Variants in PLXNA4 observed in about 807,000 individuals in gnomAD.
PLXNA4 encodes plexin-A4.
A neutral mutation model predicts 191.8 loss-of-function variants in PLXNA4; 44 were observed. That is an observed-to-expected ratio of 0.23 (90% confidence interval 0.18 to 0.29). PLXNA4 has a LOEUF of 0.29. Ranked by LOEUF, PLXNA4 falls within the 10% of genes least tolerant of loss-of-function variation. PLXNA4 has a pLI of 1.00. For synonymous variants in PLXNA4, 1,082 were observed against 1,009.5 expected (o/e 1.07, Z -1.36); for missense variants, 1,800 against 2,488.8 (o/e 0.72, Z 5.89).
intron 2 of PLXNA4, among the ~76,000 whole-genome samples, chr7:132,636,476 GC>G (rs896066751): frequency 6.6e-6 from 1 of 152,090 alleles, no homozygotes; most frequent in Admixed American, 6.5e-5. Context: ...TCAAGGAAGA[GC>G]CCCCCCAGGA....
chr7:132,647,815 CAT>C (rs1803909317), intron 1 of PLXNA4, among the ~76,000 whole-genome samples: 1 of 151,752 alleles, frequency 6.6e-6, no homozygotes, highest in African/African-American at 2.4e-5. Flanking sequence ...CACACATACA[CAT>C]ACACTCAAAA....
intron 2 of PLXNA4, among the ~76,000 whole-genome samples, chr7:132,500,383 C>T (rs969075747): frequency 2.0e-5 from 3 of 151,614 alleles, no homozygotes; most frequent in African/African-American, 4.9e-5. Flanking sequence ...GCATGGGTTG[C>T]AGTGAGCCAA....
intron 3 of PLXNA4, among the ~76,000 whole-genome samples, chr7:132,486,242 A>G (rs1797553102): frequency 6.6e-6 from 1 of 152,196 alleles, no homozygotes. Flanking sequence ...CTGCAGCTCC[A>G]CAACTTGTCA....
chr7:132,485,066 G>A, intron 3 of PLXNA4: 1 of 1,605,746 alleles, frequency 6.2e-7, no homozygotes, highest in Non-Finnish European at 8.5e-7. Flanking sequence ...AAAAAAATTA[G>A]GAAGATTAAA....
chr7:132,205,933 T>A (rs1197495206), intron 10 of PLXNA4, among the ~76,000 whole-genome samples: 1 of 152,220 alleles, frequency 6.6e-6, no homozygotes, highest in Non-Finnish European at 1.5e-5. Context: ...AGGCAAAGAA[T>A]CCTACATACA....
At chr7:132,483,355 G>A (rs1263531037) in intron 3 of PLXNA4, among the ~76,000 whole-genome samples, 1 of 152,182 alleles carries the variant, frequency 6.6e-6, no homozygotes, top group Admixed American at 6.5e-5. Flanking sequence ...ACCACTTATG[G>A]TTGGGGGCTC....
chr7:132,615,934 T>TCC, intron 2 of PLXNA4, among the ~76,000 whole-genome samples: 1 of 141,494 alleles, frequency 7.1e-6, no homozygotes, highest in African/African-American at 2.9e-5. Context: ...AGGATCTCTC[T>TCC]CTCTCTCTCT....
intron 3 of PLXNA4, among the ~76,000 whole-genome samples, chr7:132,344,147 C>G (rs1365526768): frequency 6.6e-6 from 1 of 152,122 alleles, no homozygotes; most frequent in African/African-American, 2.4e-5. Context: ...TTCTGGAAAG[C>G]ACCAGTCCTT....
intron 4 of PLXNA4, among the ~76,000 whole-genome samples, chr7:132,283,753 T>C (rs1013321202): frequency 7.2e-5 from 11 of 152,272 alleles, no homozygotes; most frequent in African/African-American, 2.7e-4. Flanking sequence ...CCTGGTAACA[T>C]GAGTTCTGTG....
At chr7:132,514,539 T>A (rs1023736314) in intron 1 of PLXNA4, among the ~76,000 whole-genome samples, 1 of 152,132 alleles carries the variant, frequency 6.6e-6, no homozygotes, top group African/African-American at 2.4e-5. Flanking sequence ...AAGATTAACA[T>A]TTAAATCAGT....
Position 132,507,127 on chromosome 7 carries a change from A to G in PLXNA4, c.1188+379T>C, listed in dbSNP as rs913427900. ...AGTTATTTGCAGGCTTGGTGAGTAC[A>G]AAGGGCATGTACGTGTCTTGCACTA... On this transcript the variant is annotated intron_variant, in intron 2 of 31. Coordinates refer to ENST00000321063, the MANE Select transcript of PLXNA4 (RefSeq NM_020911.2). Among the ~76,000 whole-genome samples, 4 of 152,174 alleles carry G rather than the reference A, an allele frequency of 2.6e-5. No individual in the cohort carries two copies. The East Asian group carries it at 5.8e-4, about 22-fold the overall frequency.
At chr7:132,557,539 A>G (rs147197381) in intron 1 of PLXNA4, among the ~76,000 whole-genome samples, 1 of 114,232 alleles carries the variant, frequency 8.8e-6, no homozygotes, top group Non-Finnish European at 1.9e-5. Context: ...CCTTTAATTT[A>G]TCTTTTTTTT....
chr7:132,543,956 G>A (rs536949263), intron 1 of PLXNA4, among the ~76,000 whole-genome samples: 2 of 152,258 alleles, frequency 1.3e-5, no homozygotes, highest in East Asian at 1.9e-4. Flanking sequence ...GGAAGTACAG[G>A]GTTATTTCAT....
chr7:132,240,701 C>T (rs1000607179), intron 5 of PLXNA4, among the ~76,000 whole-genome samples: 3 of 152,156 alleles, frequency 2.0e-5, no homozygotes, highest in African/African-American at 7.2e-5. Context: ...ATGCCTTTTT[C>T]CTGGTGTTCA....
chr7:132,615,628 C>T (rs1361725698), intron 2 of PLXNA4, among the ~76,000 whole-genome samples: 1 of 152,200 alleles, frequency 6.6e-6, no homozygotes, highest in African/African-American at 2.4e-5. Flanking sequence ...TGCTTCTGCT[C>T]ACCTCCCTGC....
intron 25 of PLXNA4, among the ~76,000 whole-genome samples, chr7:132,157,567 C>T (rs1427023176): frequency 1.3e-5 from 2 of 152,336 alleles, no homozygotes; most frequent in Admixed American, 6.5e-5. Context: ...CATGCAGGTG[C>T]TCCTTCTGTG....
chr7:132,132,964 T>G, intron 31 of PLXNA4, 85 bp downstream of exon 31: 15 of 1,526,690 alleles, frequency 9.8e-6, no homozygotes, highest in African/African-American at 1.4e-5. Context: ...TCTGTGGCGA[T>G]GATCTCTTAT....
At chr7:132,637,766 T>C (rs1803638131) in intron 2 of PLXNA4, among the ~76,000 whole-genome samples, 1 of 152,182 alleles carries the variant, frequency 6.6e-6, no homozygotes, top group African/African-American at 2.4e-5. Context: ...GGTGGGAGGC[T>C]TTGCCTCATC....
intron 12 of PLXNA4, among the ~76,000 whole-genome samples, chr7:132,200,144 TC>T (rs1419516952): frequency 6.6e-6 from 1 of 152,168 alleles, no homozygotes; most frequent in African/African-American, 2.4e-5. Context: ...TTTCCCAGGT[TC>T]CCCTAGGGCC....
Sources: gnomAD v4.1 joint callset for allele counts (sites outside exome capture counted in the v4.1 genomes callset) on GRCh38, gnomAD v4.1.1 for gene constraint, MANE v1.5 for transcripts, NCBI Gene and HGNC (gene_info 2026-07-23, HGNC 2026-07-21) for gene names.